Variants in PRR5L observed in about 807,000 individuals in gnomAD.
PRR5L encodes proline-rich protein 5-like.
PRR5L carries 21 observed loss-of-function variants against 36.4 expected under a neutral mutation model. That is an observed-to-expected ratio of 0.58 (90% confidence interval 0.41 to 0.83). PRR5L has a LOEUF of 0.83. Ranked by LOEUF, PRR5L falls within the 40% of genes least tolerant of loss-of-function variation. PRR5L has a pLI of 0.00. For missense variants in PRR5L, 381 were observed against 473.3 expected, an observed-to-expected ratio of 0.80 and a Z score of 1.81; for synonymous variants, 188 against 197.0, an observed-to-expected ratio of 0.95 and a Z score of 0.38.
intron 6 of PRR5L, among the ~76,000 whole-genome samples, chr11:36,438,957 T>C (rs1858663885): frequency 6.6e-6 from 1 of 152,126 alleles, no homozygotes; most frequent in South Asian, 2.1e-4. Context: ...TACTACGGGA[T>C]GTTGAGTTAT....
chr11:36,359,159 G>A (rs1189962744), intron 1 of PRR5L, among the ~76,000 whole-genome samples: 1 of 152,214 alleles, frequency 6.6e-6, no homozygotes, highest in Non-Finnish European at 1.5e-5. Flanking sequence ...CTGAGCCTCA[G>A]TTTCCTCATC....
At chr11:36,419,193 G>T in intron 3 of PRR5L, 62 bp from the exon 4 acceptor site, 1 of 1,519,970 alleles carries the variant, frequency 6.6e-7, no homozygotes, top group South Asian at 1.1e-5. Flanking sequence ...TGAGCACATT[G>T]TCACCATGAG....
At chr11:36,415,606 C>T (rs1478689851) in intron 3 of PRR5L, among the ~76,000 whole-genome samples, 4 of 152,130 alleles carry the variant, frequency 2.6e-5, no homozygotes, top group Non-Finnish European at 4.4e-5. Flanking sequence ...TAGCCAGGAG[C>T]AGTGTTGCGC....
At chr11:36,306,391 A>G (rs1403342947) in intron 1 of PRR5L, among the ~76,000 whole-genome samples, 1 of 151,646 alleles carries the variant, frequency 6.6e-6, no homozygotes. Flanking sequence ...GGCTTCATCT[A>G]TGTCCCTGCA....
At chr11:36,424,321 G>A (rs567342522) in intron 4 of PRR5L, among the ~76,000 whole-genome samples, 16 of 152,324 alleles carry the variant, frequency 1.1e-4, no homozygotes, top group Non-Finnish European at 1.2e-4. Flanking sequence ...CAAGCTCTAT[G>A]AGGACAGAAT....
chr11:36,441,084 A>C (rs1858712584), intron 6 of PRR5L, among the ~76,000 whole-genome samples: 1 of 152,152 alleles, frequency 6.6e-6, no homozygotes, highest in African/African-American at 2.4e-5. Flanking sequence ...ACAAATATCT[A>C]AGCCATATTT....
At chr11:36,369,017 G>A (rs908894448) in intron 1 of PRR5L, among the ~76,000 whole-genome samples, 1 of 152,216 alleles carries the variant, frequency 6.6e-6, no homozygotes. Flanking sequence ...AAGTCGAAGT[G>A]TAGGGGATTT....
intron 1 of PRR5L, among the ~76,000 whole-genome samples, chr11:36,385,724 GC>G (rs2133534460): frequency 6.6e-6 from 1 of 152,296 alleles, no homozygotes; most frequent in East Asian, 1.9e-4. Flanking sequence ...TCTTTGGCCG[GC>G]TTTTGTCTCC....
At chr11:36,310,079 C>T (rs1018347102) in intron 1 of PRR5L, among the ~76,000 whole-genome samples, 11 of 118,380 alleles carry the variant, frequency 9.3e-5, no homozygotes, top group Admixed American at 8.2e-4. Flanking sequence ...ATCATCATTC[C>T]GTGGCTTGAC....
chr11:36,409,803 C>A (rs1206613056), intron 3 of PRR5L, among the ~76,000 whole-genome samples: 2 of 152,168 alleles, frequency 1.3e-5, no homozygotes, highest in African/African-American at 4.8e-5. Flanking sequence ...ATACTGTATC[C>A]CTGTCTTACA....
At chr11:36,333,010 A>G (rs1030088935) in intron 1 of PRR5L, among the ~76,000 whole-genome samples, 1 of 152,246 alleles carries the variant, frequency 6.6e-6, no homozygotes, top group Non-Finnish European at 1.5e-5. Context: ...CCCTACTCCA[A>G]TCTACCATCA....
chr11:36,302,225 C>T (rs1028697133), intron 1 of PRR5L, among the ~76,000 whole-genome samples: 1 of 152,122 alleles, frequency 6.6e-6, no homozygotes, highest in Admixed American at 6.6e-5. Flanking sequence ...CTAAAGAAAA[C>T]AGCATCTAAG....
intron 8 of PRR5L, among the ~76,000 whole-genome samples, chr11:36,453,439 T>C (rs1858984475): frequency 6.6e-6 from 1 of 152,202 alleles, no homozygotes; most frequent in African/African-American, 2.4e-5. Flanking sequence ...ATGCACACTT[T>C]TGCCAAATTA....
chr11:36,350,598 T>G (rs1003962272), intron 1 of PRR5L, among the ~76,000 whole-genome samples: 1 of 151,888 alleles, frequency 6.6e-6, no homozygotes, highest in African/African-American at 2.4e-5. Flanking sequence ...CATGAATAAG[T>G]TCTTTAGTGG....
At chr11:36,441,842 G>A (rs1212083983) in intron 6 of PRR5L, among the ~76,000 whole-genome samples, 1 of 152,124 alleles carries the variant, frequency 6.6e-6, no homozygotes, top group African/African-American at 2.4e-5. Context: ...GCACTATGTG[G>A]AAGCCACCAA....
intron 1 of PRR5L, among the ~76,000 whole-genome samples, chr11:36,325,452 G>C (rs1041418576): frequency 1.3e-5 from 2 of 152,232 alleles, no homozygotes; most frequent in Admixed American, 6.5e-5. Flanking sequence ...AGATTTAATA[G>C]AGTGAAAACA....
At chr11:36,348,296 C>G (rs140884946) in intron 1 of PRR5L, among the ~76,000 whole-genome samples, 1 of 152,090 alleles carries the variant, frequency 6.6e-6, no homozygotes, top group Non-Finnish European at 1.5e-5. Flanking sequence ...ACAGCCTTCA[C>G]GGTATCTATT....
At chr11:36,311,350 TGGGGCAGAGCCAG>T (rs985740705) in intron 1 of PRR5L, among the ~76,000 whole-genome samples, 1 of 152,158 alleles carries the variant, frequency 6.6e-6, no homozygotes, top group African/African-American at 2.4e-5. Context: ...CTGGCTTGGA[TGGGGCAGAGCCAG>T]GGGAGCAAAT....
At chr11:36,454,492 C>T (rs1050040390) in intron 8 of PRR5L, among the ~76,000 whole-genome samples, 9 of 152,144 alleles carry the variant, frequency 5.9e-5, no homozygotes, top group African/African-American at 1.9e-4. Context: ...AACCCCTTTA[C>T]CTATGGGAGG....
Sources: allele counts gnomAD v4.1 joint callset (sites outside exome capture counted in the v4.1 genomes callset), GRCh38; gene constraint gnomAD v4.1.1; transcripts MANE v1.5; gene names NCBI Gene and HGNC (gene_info 2026-07-23, HGNC 2026-07-21).